AHCTF1: variants seen among roughly 807,000 people sequenced by gnomAD.
The protein encoded by AHCTF1 is protein ELYS.
In AHCTF1, 24 loss-of-function variants were observed where a neutral mutation model predicts 248.4. That is an observed-to-expected ratio of 0.10 (90% CI 0.07 to 0.14). The LOEUF is 0.14. AHCTF1 is among the 10% of genes least tolerant of loss of function. AHCTF1 has a pLI of 1.00. For missense variants in AHCTF1, 2,206 were observed against 2,636.2 expected, an observed-to-expected ratio of 0.84 and a Z score of 3.57; for synonymous variants, 786 against 929.8, an observed-to-expected ratio of 0.85 and a Z score of 2.81.
rs1659695382 is a variant in AHCTF1, at chr1:246,839,535, C to T, written c.*1271G>A. The T allele has an allele frequency of 1.0e-6, 1 of 985,706 alleles. No homozygotes were observed. The highest frequency in any genetic ancestry group is 1.2e-6 in the Non-Finnish European group (1 of 829,940). 61.1% of individuals were successfully genotyped at this position (985,706 alleles called of 1,614,324 possible). The stretch of plus-strand genomic sequence containing the variant: ...AGCGTAACATCCATCACTAACCTGA[C>T]TAAAAGGCCGCACTCGCACTGCTTT... On this transcript the variant is annotated 3_prime_UTR_variant, in exon 36 of 36. Coordinates refer to ENST00000648844, the MANE Select transcript of AHCTF1 (RefSeq NM_001323342.2).
chr1:246,931,367 C>T (rs1265418562), intron 1 of AHCTF1: 1 of 1,522,278 alleles, frequency 6.6e-7, no homozygotes, highest in Non-Finnish European at 8.8e-7. Flanking sequence ...GTAACGAAGC[C>T]CGGCGCCCGC....
rs543538057 is a variant in AHCTF1, at chr1:246,869,033, A to T, written c.3089-1222T>A. ...CTAACTTTTTCTATTTTTAGTAGAG[A>T]CGGGGTTTCACCATGTTGGCCAGGA... On this transcript the variant is annotated intron_variant, in intron 24 of 35. Transcript: ENST00000648844. Among the ~76,000 whole-genome samples, 9 of 151,332 alleles carry T rather than the reference A, an allele frequency of 5.9e-5. No homozygotes were observed. In the South Asian group the frequency reaches 8.3e-4, roughly 14 times the overall value.
intron 30 of AHCTF1, among the ~76,000 whole-genome samples, chr1:246,856,028 T>G (rs990373946): frequency 6.6e-6 from 1 of 152,248 alleles, no homozygotes; most frequent in Non-Finnish European, 1.5e-5. Context: ...TTACCCATTT[T>G]CTAATGTTTT....
intron 12 of AHCTF1, 43 bp downstream of exon 12, chr1:246,898,165 G>A (rs749397589): frequency 1.0e-5 from 16 of 1,607,556 alleles, no homozygotes; most frequent in Admixed American, 6.8e-5. Flanking sequence ...AGCTAATAAC[G>A]TGATCCAACC....
At chr1:246,931,149 T>C (rs1260361824) in intron 1 of AHCTF1, 3 of 1,550,054 alleles carry the variant, frequency 1.9e-6, no homozygotes, top group South Asian at 1.2e-5. Context: ...CCCAAGCGCA[T>C]GTGGAACACA....
At chr1:246,891,082 A>T in intron 15 of AHCTF1, 22 bp from the exon 16 acceptor site, 1 of 1,467,248 alleles carries the variant, frequency 6.8e-7, no homozygotes, top group Non-Finnish European at 9.1e-7. Context: ...AGTTAACATC[A>T]GTTGTTTACT....
At chr1:246,928,789 T>C (rs1342634560) in intron 1 of AHCTF1, among the ~76,000 whole-genome samples, 1 of 152,360 alleles carries the variant, frequency 6.6e-6, no homozygotes, top group East Asian at 1.9e-4. Context: ...TATGCAATGG[T>C]ACTTTTTTTC....
At chr1:246,870,169 C>A (rs1344959948) in intron 24 of AHCTF1, among the ~76,000 whole-genome samples, 2 of 152,160 alleles carry the variant, frequency 1.3e-5, no homozygotes. Context: ...CTAGGCCAGG[C>A]ATGATGGCTC....
intron 30 of AHCTF1, among the ~76,000 whole-genome samples, chr1:246,857,044 C>T (rs1661161028): frequency 6.6e-6 from 1 of 152,182 alleles, no homozygotes; most frequent in African/African-American, 2.4e-5. Context: ...GAGACAAGGA[C>T]CTCTTGCCAG....
intron 2 of AHCTF1, among the ~76,000 whole-genome samples, 190 bp downstream of exon 2, chr1:246,918,060 A>C (rs1359879164): frequency 6.6e-6 from 1 of 152,146 alleles, no homozygotes; most frequent in Non-Finnish European, 1.5e-5. Context: ...TAACCCCCCC[A>C]ATCAGAGGTT....
At chr1:246,859,622 T>A (rs1661375969) in intron 29 of AHCTF1, among the ~76,000 whole-genome samples, 1 of 152,030 alleles carries the variant, frequency 6.6e-6, no homozygotes, top group Admixed American at 6.6e-5. Context: ...TGGGCTGGAG[T>A]TCAGTGGCGC....
intron 30 of AHCTF1, 101 bp downstream of exon 30, chr1:246,857,590 G>T: frequency 1.6e-6 from 2 of 1,256,554 alleles, no homozygotes; most frequent in Non-Finnish European, 2.2e-6. Context: ...AGATGTTAAA[G>T]ATCTAAGTGA....
At chr1:246,910,171 A>T (rs183618308) in intron 4 of AHCTF1, among the ~76,000 whole-genome samples, 14 of 152,364 alleles carry the variant, frequency 9.2e-5, no homozygotes, top group African/African-American at 3.4e-4. Context: ...ATGATACCAC[A>T]TGAAAGCACA....
chr1:246,863,537 A>C (rs144855018), intron 27 of AHCTF1, among the ~76,000 whole-genome samples: 1 of 152,196 alleles, frequency 6.6e-6, no homozygotes, highest in Non-Finnish European at 1.5e-5. Context: ...CAGTTTTGTC[A>C]AAGAATTTAA....
chr1:246,869,205 T>C (rs961047388), intron 24 of AHCTF1, among the ~76,000 whole-genome samples: 2 of 152,136 alleles, frequency 1.3e-5, no homozygotes, highest in South Asian at 2.1e-4. Flanking sequence ...GCAAGTCTAC[T>C]GGCACCATTT....
intron 30 of AHCTF1, among the ~76,000 whole-genome samples, chr1:246,857,356 A>AC (rs1661179658): frequency 6.6e-6 from 1 of 152,174 alleles, no homozygotes; most frequent in Non-Finnish European, 1.5e-5. Context: ...GTGTCTACCT[A>AC]CAAGAGTCTT....
chr1:246,869,453 A>G (rs1662399251), intron 24 of AHCTF1, among the ~76,000 whole-genome samples: 2 of 152,216 alleles, frequency 1.3e-5, no homozygotes, highest in Non-Finnish European at 2.9e-5. Context: ...AAGGAAATTA[A>G]AAGTGCTACG....
chr1:246,900,349 G>A lies in AHCTF1; in HGVS notation c.1238C>T (p.Pro413Leu). 1 of 1,590,064 alleles carries A rather than the reference G, an allele frequency of 6.3e-7. No homozygotes were observed. Among genetic ancestry groups the A allele is most frequent in the Non-Finnish European group, 8.5e-7 (1 of 1,174,734 alleles). Reference sequence around the variant, plus strand: ...AAAAGAATCATACCTTAACGAATCTGGCATTTGTGCATGATACCAACGATT... The same window carrying A: ...AAAAGAATCATACCTTAACGAATCTAGCATTTGTGCATGATACCAACGATT... ...DINRWYHAQM[P>L]DSLRSGEYLH... Residue 413 changes from proline to leucine, a missense_variant, in exon 9 of 36, where the codon CCA (proline) becomes CTA (leucine). By Grantham distance (98) the Pro-to-Leu change is moderately conservative. Coordinates refer to ENST00000648844, the MANE Select transcript of AHCTF1 (RefSeq NM_001323342.2).
intron 4 of AHCTF1, among the ~76,000 whole-genome samples, chr1:246,909,715 A>G (rs182909280): frequency 6.6e-6 from 1 of 152,244 alleles, no homozygotes; most frequent in East Asian, 1.9e-4. Flanking sequence ...GAAAAATCAT[A>G]ATGTGTGCAG....
Sources: allele counts gnomAD v4.1 joint callset (sites outside exome capture counted in the v4.1 genomes callset), GRCh38; gene constraint gnomAD v4.1.1; transcripts MANE v1.5; gene names NCBI Gene and HGNC (gene_info 2026-07-23, HGNC 2026-07-21).